Variants in FAAH2 observed in about 807,000 individuals in gnomAD.
FAAH2 encodes the protein fatty-acid amide hydrolase 2.
FAAH2 carries 60 observed loss-of-function variants against 36.9 expected under a neutral mutation model. The observed-to-expected ratio is 1.63, with a 90% CI of 1.32 to 2.02. The LOEUF is 2.02. Among genes scored for constraint, FAAH2 ranks in the 30% most tolerant of loss-of-function variants. The pLI is 0.00. For synonymous variants in FAAH2, 214 were observed against 143.8 expected (o/e 1.49, Z -3.49); for missense variants, 689 against 397.5 (o/e 1.73, Z -6.23).
At chrX:57,426,391 G>A (rs2056163251) in intron 7 of FAAH2, among the ~76,000 whole-genome samples, 1 of 111,709 alleles carries the variant, frequency 9.0e-6, no homozygotes, top group African/African-American at 3.2e-5. Context: ...GAGTTAAACT[G>A]GACGTTAGAC....
At chrX:57,290,412 T>C in intron 1 of FAAH2, 1 of 355,089 alleles carries the variant, frequency 2.8e-6, no homozygotes, top group Non-Finnish European at 3.6e-6. Flanking sequence ...TTAACAAACA[T>C]TTACTGAAAA....
chrX:57,265,730 T>A, the FAAH2 span, among the ~76,000 whole-genome samples: 1 of 111,120 alleles, frequency 9.0e-6, no homozygotes, highest in South Asian at 3.8e-4. Context: ...GAGTGGACCA[T>A]TATCTTTGTT....
chrX:57,188,451 C>A, the FAAH2 span, among the ~76,000 whole-genome samples: 2 of 110,566 alleles, frequency 1.8e-5, no homozygotes, highest in Admixed American at 1.9e-4. Flanking sequence ...ATTCTTCTCT[C>A]TTTTTTCTTT....
intron 2 of FAAH2, among the ~76,000 whole-genome samples, chrX:57,295,001 C>A (rs2052090353): frequency 8.9e-6 from 1 of 112,025 alleles, no homozygotes; most frequent in Non-Finnish European, 1.9e-5. Flanking sequence ...TGAGGGAACA[C>A]CCTAGGTATG....
chrX:57,195,728 G>T, the FAAH2 span, among the ~76,000 whole-genome samples: 3 of 111,806 alleles, frequency 2.7e-5, no homozygotes, highest in South Asian at 1.1e-3. Context: ...GAATTTTTAG[G>T]GTTTCAGGTC....
chrX:57,265,534 G>T, the FAAH2 span, among the ~76,000 whole-genome samples: 1 of 111,568 alleles, frequency 9.0e-6, no homozygotes, highest in Non-Finnish European at 1.9e-5. Flanking sequence ...GGGGGCAGAA[G>T]AGATCCCCCA....
intron 7 of FAAH2, among the ~76,000 whole-genome samples, chrX:57,408,074 G>A (rs889801858): frequency 9.0e-6 from 1 of 110,932 alleles, no homozygotes; most frequent in Non-Finnish European, 1.9e-5. Flanking sequence ...TTTTAAGTTA[G>A]GAAGTGTGAT....
chrX:57,306,606 C>A (rs2052529633), intron 2 of FAAH2, among the ~76,000 whole-genome samples: 1 of 106,175 alleles, frequency 9.4e-6, no homozygotes, highest in Admixed American at 1.1e-4. Flanking sequence ...GTCCTTCTTT[C>A]TTTTAGTTGA....
At chrX:57,255,257 C>T in the FAAH2 span, among the ~76,000 whole-genome samples, 1 of 111,670 alleles carries the variant, frequency 9.0e-6, no homozygotes, top group Non-Finnish European at 1.9e-5. Context: ...AGTCTAATAA[C>T]AGGTTCTGGC....
chrX:57,127,083 G>A, the FAAH2 span: 3 of 111,233 alleles, frequency 2.7e-5, no homozygotes, highest in Non-Finnish European at 1.9e-5. Context: ...TATAGTTAAA[G>A]CAATTTGATT....
chrX:57,182,825 A>T, the FAAH2 span, among the ~76,000 whole-genome samples: 1 of 112,078 alleles, frequency 8.9e-6, no homozygotes, highest in East Asian at 2.8e-4. Context: ...AATAAAGAAA[A>T]TGTGGTACAT....
At chrX:57,368,502 A>G (rs2054474853) in intron 5 of FAAH2, among the ~76,000 whole-genome samples, 1 of 111,531 alleles carries the variant, frequency 9.0e-6, no homozygotes, top group Non-Finnish European at 1.9e-5. Flanking sequence ...CCATGGAACA[A>G]CACACATATG....
chrX:57,461,674 CA>C (rs1171539573), intron 10 of FAAH2, among the ~76,000 whole-genome samples: 5 of 110,952 alleles, frequency 4.5e-5, no homozygotes, highest in Non-Finnish European at 7.5e-5. Context: ...ACATTTATAG[CA>C]CTAAATGCCA....
the FAAH2 span, among the ~76,000 whole-genome samples, chrX:57,252,970 G>A: frequency 3.6e-5 from 4 of 111,584 alleles, no homozygotes; most frequent in Non-Finnish European, 7.5e-5. Context: ...ACTTCTCCGA[G>A]CTAAAGGAGC....
At chrX:57,378,527 G>T in intron 5 of FAAH2, 124 bp from the exon 6 acceptor site, 1 of 860,145 alleles carries the variant, frequency 1.2e-6, no homozygotes, top group Non-Finnish European at 1.6e-6. Context: ...TGAGATATAA[G>T]AAGACCTGAA....
chrX:57,328,823 G>T (rs979898583), intron 3 of FAAH2, among the ~76,000 whole-genome samples: 22 of 111,473 alleles, frequency 2.0e-4, no homozygotes, highest in Non-Finnish European at 3.6e-4. Context: ...CATTTAAAGT[G>T]GCCAAGACTC....
At chrX:57,387,554 G>C (rs1255301857) in intron 7 of FAAH2, among the ~76,000 whole-genome samples, 4 of 111,166 alleles carry the variant, frequency 3.6e-5, no homozygotes, top group Non-Finnish European at 7.6e-5. Context: ...ACCTACCAGA[G>C]AAAAATTACA....
At chrX:57,129,764 C>A in the FAAH2 span, among the ~76,000 whole-genome samples, 5 of 111,591 alleles carry the variant, frequency 4.5e-5, no homozygotes, top group Admixed American at 9.5e-5. Context: ...ATATTAACTA[C>A]TTTTATTTAA....
intron 5 of FAAH2, among the ~76,000 whole-genome samples, chrX:57,354,298 A>T (rs2054105052): frequency 9.0e-6 from 1 of 111,169 alleles, no homozygotes; most frequent in African/African-American, 3.3e-5. Context: ...TGGAACTGAC[A>T]TCATTATATT....
Sources: gnomAD v4.1 joint callset for allele counts (sites outside exome capture counted in the v4.1 genomes callset) on GRCh38, gnomAD v4.1.1 for gene constraint, MANE v1.5 for transcripts, NCBI Gene and HGNC (gene_info 2026-07-23, HGNC 2026-07-21) for gene names.